RRP1B: variants seen among roughly 807,000 people sequenced by gnomAD.
The protein encoded by RRP1B is ribosomal RNA processing 1B, also known as ribosomal RNA processing protein 1 homolog B.
A neutral mutation model predicts 80.2 loss-of-function variants in RRP1B; 56 were observed. That is an observed-to-expected ratio of 0.70 (90% CI 0.56 to 0.87). RRP1B has a LOEUF of 0.87. Among genes scored for constraint, RRP1B ranks in the 40% least tolerant of loss-of-function variants. The probability of loss-of-function intolerance (pLI) is 0.00; values close to 1 mark genes in which losing one functional copy is unlikely to be tolerated. For missense variants in RRP1B, 807 were observed against 939.8 expected (o/e 0.86, Z 1.85); for synonymous variants, 351 against 357.6 (o/e 0.98, Z 0.21).
intron 8 of RRP1B, among the ~76,000 whole-genome samples, chr21:43,680,849 A>G (rs888815984): frequency 6.6e-6 from 1 of 152,118 alleles, no homozygotes; most frequent in Non-Finnish European, 1.5e-5. Flanking sequence ...CTAGCCCAAA[A>G]TGTTAGTATA....
rs1022880468 is a variant in RRP1B at position 43,693,530 on chromosome 21, G to A, written c.*147G>A. On this transcript the variant is annotated 3_prime_UTR_variant, in exon 16 of 16. Coordinates refer to ENST00000340648, the MANE Select transcript of RRP1B (RefSeq NM_015056.3). The surrounding 1 kb of genome is among the most constrained non-coding windows in gnomAD (Gnocchi z 4.1). ...TCTGAGAGTGCCCGCAGGCTGCTGC[G>A]TCCTGGCCCCTCTGTAGTGGCTGCG... 6 of 726,190 alleles carry A rather than the reference G, an allele frequency of 8.3e-6. No individual in the cohort carries two copies. Among genetic ancestry groups the A allele is most frequent in the South Asian group, 4.6e-5 (2 of 43,310 alleles). The allele number at this position is 726,190 out of a possible 1,614,324, so 45.0% of individuals were successfully genotyped here. A position where few individuals can be genotyped will look rare whatever the true frequency, so the allele number is the denominator to read the frequency against.
chr21:43,663,550 C>T (rs2082966644), intron 1 of RRP1B, among the ~76,000 whole-genome samples: 1 of 151,502 alleles, frequency 6.6e-6, no homozygotes, highest in Non-Finnish European at 1.5e-5. Flanking sequence ...CCACACCGTG[C>T]CCAGCCTTTG....
At chr21:43,665,649 C>A (rs529283179) in intron 1 of RRP1B, among the ~76,000 whole-genome samples, 3 of 152,214 alleles carry the variant, frequency 2.0e-5, no homozygotes, top group South Asian at 4.2e-4. Flanking sequence ...TGGGTTCCAG[C>A]GGAACCCTTG....
At position 43,672,300 on chromosome 21, in the gene RRP1B, C is replaced by G; in HGVS notation, c.214-8C>G. 6.2e-7 allele frequency: 1 copy of G among 1,614,102 alleles called. No homozygotes were observed. Among genetic ancestry groups the G allele is most frequent in the Non-Finnish European group, 8.5e-7 (1 of 1,179,958 alleles). On this transcript the variant is annotated splice_polypyrimidine_tract_variant and splice_region_variant and intron_variant, in intron 2 of 15. Coordinates refer to ENST00000340648, the MANE Select transcript of RRP1B (RefSeq NM_015056.3). ...CCCCCATGTTTCTCCCCAACCCCGC[C>G]TCTGCAGGAAGAGCTCGCCAACACC...
Position 43,686,850 on chromosome 21 carries a change from T to A in RRP1B, c.1056T>A (p.Asp352Glu). 1 of 1,614,046 alleles carries A rather than the reference T, an allele frequency of 6.2e-7. No individual in the cohort carries two copies. Among genetic ancestry groups the A allele is most frequent in the Non-Finnish European group, 8.5e-7 (1 of 1,180,002 alleles). The change falls in exon 12 of 16, where the codon GAT becomes GAA. Residue 352 changes from aspartate (D) to glutamate (E), a missense_variant. By Grantham distance (45) the Asp-to-Glu change is conservative. Coordinates refer to ENST00000340648, the MANE Select transcript of RRP1B (RefSeq NM_015056.3). ...QLSFAEDISA[D>E]EDDQILSQGK... ...GTTTTGCGGAGGACATTTCTGCTGATGAAGATGACCAAATCCTCAGTCAAG... is the reference window on the plus strand; with the variant it reads ...GTTTTGCGGAGGACATTTCTGCTGAAGAAGATGACCAAATCCTCAGTCAAG...
At chr21:43,672,516 G>A (rs1037437424) in intron 3 of RRP1B, 151 bp downstream of exon 3, 2 of 672,868 alleles carry the variant, frequency 3.0e-6, no homozygotes, top group East Asian at 2.6e-5. Flanking sequence ...TGGTGAGAGG[G>A]CACAGTGTCT....
At chr21:43,686,985 G>A (rs377643561) in intron 12 of RRP1B, 50 bp downstream of exon 12, 817 of 1,595,102 alleles carry the variant, frequency 5.1e-4, no homozygotes, top group Non-Finnish European at 6.7e-4. Context: ...TTGGGGAGCG[G>A]CATGCACCAT....
Position 43,691,412 on chromosome 21 carries a change from T to C in RRP1B, c.2020-27T>C. On this transcript the variant is annotated intron_variant, in intron 14 of 15. Transcript: ENST00000340648. The surrounding 1 kb of genome is among the most constrained non-coding windows in gnomAD (Gnocchi z 4.2). ...CCTCCACTGCACTTGCGTCACTCCT[T>C]TTGTTCCTGTTATTTCTCTTCTGCA... 6.2e-7 allele frequency: 1 copy of C among 1,612,650 alleles called. No individual in the cohort carries two copies. The highest frequency in any genetic ancestry group is 1.1e-5 in the South Asian group (1 of 91,038).
intron 15 of RRP1B, among the ~76,000 whole-genome samples, chr21:43,692,481 C>T (rs1412105352): frequency 6.6e-6 from 1 of 152,106 alleles, no homozygotes; most frequent in East Asian, 1.9e-4. Context: ...CACCTGTAGT[C>T]TCAGCTGCTC....
intron 13 of RRP1B, among the ~76,000 whole-genome samples, chr21:43,689,691 A>G (rs1211704866): frequency 6.6e-6 from 1 of 152,232 alleles, no homozygotes; most frequent in East Asian, 1.9e-4. Context: ...GCCATCTGTC[A>G]TGGCACAGGG....
chr21:43,671,962 C>T (rs1322945138), intron 2 of RRP1B, among the ~76,000 whole-genome samples: 1 of 152,200 alleles, frequency 6.6e-6, no homozygotes, highest in African/African-American at 2.4e-5. Context: ...GCTAGGATTA[C>T]AGGCATGAGC....
At chr21:43,676,517 C>T (rs1377579638) in intron 7 of RRP1B, among the ~76,000 whole-genome samples, 181 bp downstream of exon 7, 1 of 152,268 alleles carries the variant, frequency 6.6e-6, no homozygotes, top group Non-Finnish European at 1.5e-5. Context: ...TTGCCTCACT[C>T]ATTCCAGGAA....
intron 1 of RRP1B, among the ~76,000 whole-genome samples, chr21:43,666,648 G>A (rs1262338121): frequency 6.6e-6 from 1 of 150,866 alleles, no homozygotes; most frequent in African/African-American, 2.4e-5. Context: ...AACCTGGGCA[G>A]CAGAGGTTGC....
rs530254330 is a variant in RRP1B, at chr21:43,694,068, C to T, written c.*685C>T. On this transcript the variant is annotated 3_prime_UTR_variant, in exon 16 of 16. Coordinates refer to ENST00000340648, the MANE Select transcript of RRP1B (RefSeq NM_015056.3). ...TGTTTTCCTACCTCTACGGCAAGCC[C>T]AAAGTGTCTTCCCGGGAGCCCAGCG... 1 of 152,950 alleles carries T rather than the reference C, an allele frequency of 6.5e-6. No individual in the cohort carries two copies. The highest frequency in any genetic ancestry group is 2.1e-4 in the South Asian group (1 of 4,830). The allele number at this position is 152,950 out of a possible 1,614,324, so 9.5% of individuals were successfully genotyped here.
intron 2 of RRP1B, among the ~76,000 whole-genome samples, chr21:43,672,031 C>G (rs1006346138): frequency 1.3e-5 from 2 of 152,204 alleles, no homozygotes; most frequent in African/African-American, 4.8e-5. Context: ...TTTATTTCAT[C>G]TCTAGTTCAT....
At chr21:43,674,054 C>A in intron 4 of RRP1B, 99 bp downstream of exon 4, 3 of 881,500 alleles carry the variant, frequency 3.4e-6, no homozygotes, top group Non-Finnish European at 5.2e-6. Context: ...CAAAACAAGC[C>A]ACAGGCTTAG....
chr21:43,675,004 A>G (rs754332896), intron 5 of RRP1B, 30 bp from the exon 6 acceptor site: 22 of 1,612,578 alleles, frequency 1.4e-5, no homozygotes, highest in Non-Finnish European at 1.9e-5. Flanking sequence ...GCATACTGTC[A>G]TTCACAGAAG....
chr21:43,662,626 A>T (rs558980023), intron 1 of RRP1B, among the ~76,000 whole-genome samples: 3 of 134,152 alleles, frequency 2.2e-5, no homozygotes, highest in Admixed American at 8.0e-5. Context: ...TAAATTGGAA[A>T]TCTTTGTATT....
chr21:43,689,953 G>C (rs566665658), intron 13 of RRP1B, among the ~76,000 whole-genome samples: 1 of 152,392 alleles, frequency 6.6e-6, no homozygotes, highest in East Asian at 1.9e-4. Context: ...GCGCAGTGAC[G>C]ATTCAGCTAC....
Sources: allele counts gnomAD v4.1 joint callset (sites outside exome capture counted in the v4.1 genomes callset), GRCh38; gene constraint gnomAD v4.1.1; non-coding constraint Gnocchi (gnomAD v3.1); transcripts MANE v1.5; gene names NCBI Gene and HGNC (gene_info 2026-07-23, HGNC 2026-07-21).